Variants in CSTF2 observed in about 807,000 individuals in gnomAD.
The protein encoded by CSTF2 is CF-1 64 kDa subunit.
Under a neutral mutation model 45.4 loss-of-function variants are expected in CSTF2, and 8 were observed. That is an observed-to-expected ratio of 0.18 (90% CI 0.10 to 0.32). CSTF2 has a LOEUF of 0.32. Ranked by LOEUF, CSTF2 falls within the 10% of genes least tolerant of loss-of-function variation. The pLI is 1.00. For missense variants in CSTF2, 253 were observed against 477.1 expected (o/e 0.53, Z 4.38); for synonymous variants, 155 against 158.9 (o/e 0.98, Z 0.18).
intron 9 of CSTF2, among the ~76,000 whole-genome samples, chrX:100,832,413 TCA>T (rs1471924000): frequency 9.0e-6 from 1 of 111,714 alleles, no homozygotes; most frequent in Non-Finnish European, 1.9e-5. Flanking sequence ...GTGTCCAATA[TCA>T]CACAGCTAAT....
Position 100,838,173 on chromosome X carries a change from G to T in CSTF2, c.1612-66G>T, listed in dbSNP as rs1476434251. ...GACAGAAGCTGGTGGTGGGTTTTTTGTTTTGTTTTGTATTTTTTAGCTGCC... is the reference window on the plus strand; with the variant it reads ...GACAGAAGCTGGTGGTGGGTTTTTTTTTTTGTTTTGTATTTTTTAGCTGCC... On this transcript the variant is annotated intron_variant, in intron 12 of 13. Coordinates refer to ENST00000372972, the MANE Select transcript of CSTF2 (RefSeq NM_001325.3). 9.6e-7 allele frequency: 1 copy of T among 1,039,401 alleles called. No individual in the cohort carries two copies. Among genetic ancestry groups the T allele is most frequent in the African/African-American group, 1.9e-5 (1 of 51,367 alleles). The allele number at this position is 1,039,401 out of a possible 1,213,427, so 85.7% of individuals were successfully genotyped here.
At chrX:100,820,943 T>C (rs931739589) in intron 1 of CSTF2, among the ~76,000 whole-genome samples, 4 of 112,416 alleles carry the variant, frequency 3.6e-5, no homozygotes, top group African/African-American at 1.3e-4. Flanking sequence ...TGAGATGGCT[T>C]GTAAGTGAAT....
chrX:100,833,335 A>G lies in CSTF2; in HGVS notation c.1363A>G (p.Met455Val), dbSNP rs1468493511. 1.7e-6 allele frequency: 2 copies of G among 1,208,795 alleles called. No homozygotes were observed. The highest frequency in any genetic ancestry group is 2.2e-6 in the Non-Finnish European group (2 of 894,794). Residue 455 changes from methionine to valine, a missense_variant, in exon 11 of 14, where the codon ATG becomes GTG. By Grantham distance (21) the Met-to-Val change is conservative (BLOSUM62 1). Transcript: ENST00000372972. Reference sequence around the variant, plus strand: ...GGCCCGAGCGATGGAGGCCCGTGCAATGGAAGTCCGAGGGATGGAGGCCAG... The same window carrying G: ...GGCCCGAGCGATGGAGGCCCGTGCAGTGGAAGTCCGAGGGATGGAGGCCAG... ...MEARAMEARA[M>V]EVRGMEARGM...
intron 6 of CSTF2, among the ~76,000 whole-genome samples, chrX:100,826,298 T>TTG (rs1015787411): frequency 9.5e-6 from 1 of 105,249 alleles, no homozygotes; most frequent in African/African-American, 3.5e-5. Flanking sequence ...GGGCTTTTTT[T>TTG]TTTTTTTTTT....
intron 8 of CSTF2, among the ~76,000 whole-genome samples, chrX:100,830,032 G>A (rs2084966172): frequency 8.9e-6 from 1 of 111,764 alleles, no homozygotes; most frequent in Non-Finnish European, 1.9e-5. Context: ...GAGTCTTTTC[G>A]TGTGTGCCTA....
At chrX:100,838,654 G>A (rs1172555092) in intron 13 of CSTF2, among the ~76,000 whole-genome samples, 1 of 111,859 alleles carries the variant, frequency 8.9e-6, no homozygotes, top group Non-Finnish European at 1.9e-5. Flanking sequence ...AAAAAGCCCT[G>A]TTTCCTCAAT....
intron 3 of CSTF2, 78 bp from the exon 4 acceptor site, chrX:100,823,214 C>T (rs191709700): frequency 9.2e-7 from 1 of 1,089,769 alleles, no homozygotes; most frequent in African/African-American, 1.8e-5. Flanking sequence ...CTTACAGCAG[C>T]CCTGAAAAGT....
chrX:100,826,863 T>A, intron 7 of CSTF2, 106 bp downstream of exon 7: 1 of 774,089 alleles, frequency 1.3e-6, no homozygotes, highest in Non-Finnish European at 1.8e-6. Context: ...GTAAAATTAA[T>A]ACACAGCTAG....
chrX:100,826,711 G>A lies in CSTF2; in HGVS notation c.780G>A (p.Met260Ile). ...GTGGAGTTCCAGCACCAGGGCAAAT[G>A]CCAGCTGCTGTCACAGGACCTGGCC... ...MQGGVPAPGQMPAAVTGPGPG... is the reference protein window; with the variant it reads ...MQGGVPAPGQIPAAVTGPGPG... The change falls in exon 7 of 14, where the codon ATG (methionine) becomes ATA (isoleucine). Residue 260 changes from methionine (M) to isoleucine (I), a missense_variant. Met to Ile is a conservative substitution (Grantham distance 10, BLOSUM62 1). Transcript: ENST00000372972. 8.3e-7 allele frequency: 1 copy of A among 1,210,191 alleles called. No homozygotes were observed. Among genetic ancestry groups the A allele is most frequent in the Non-Finnish European group, 1.1e-6 (1 of 894,475 alleles).
chrX:100,838,135 C>T (rs2085020130), intron 12 of CSTF2, 104 bp from the exon 13 acceptor site: 9 of 858,144 alleles, frequency 1.0e-5, no homozygotes, highest in Non-Finnish European at 1.4e-5. Context: ...TATCCCACTA[C>T]AGTAGCTTTT....
At chrX:100,831,399 G>C in intron 8 of CSTF2, 116 bp from the exon 9 acceptor site, 2 of 836,319 alleles carry the variant, frequency 2.4e-6, no homozygotes, top group Non-Finnish European at 3.6e-6. Context: ...TTCTGCTGTG[G>C]TGAGGTTTCA....
intron 1 of CSTF2, among the ~76,000 whole-genome samples, chrX:100,820,922 A>G (rs2084914879): frequency 8.9e-6 from 1 of 112,349 alleles, no homozygotes; most frequent in Admixed American, 9.4e-5. Context: ...GGTAGCGGCC[A>G]CCTGGTGTCC....
chrX:100,826,232 C>T (rs747523859), intron 6 of CSTF2, among the ~76,000 whole-genome samples: 2 of 108,165 alleles, frequency 1.8e-5, no homozygotes. Context: ...ATGTGGACTA[C>T]CAGCAGTTGT....
intron 13 of CSTF2, 76 bp downstream of exon 13, chrX:100,838,440 A>G (rs776755593): frequency 3.2e-5 from 31 of 983,565 alleles, no homozygotes; most frequent in Non-Finnish European, 3.8e-5. Flanking sequence ...ACCTTAACCA[A>G]CAAGATTGTT....
chrX:100,825,103 A>G (rs73636620), intron 6 of CSTF2, among the ~76,000 whole-genome samples: 10,097 of 112,014 alleles, frequency 0.09, 1,148 homozygotes, highest in African/African-American at 0.31. Flanking sequence ...AATATGTGGA[A>G]TGAGTTGCAA....
At chrX:100,822,862 G>C (rs867742822) in intron 3 of CSTF2, 1 of 105,643 alleles carries the variant, frequency 9.5e-6, no homozygotes, top group Non-Finnish European at 1.8e-5. Flanking sequence ...AAAAAAAAAA[G>C]AATTTCCATT....
intron 1 of CSTF2, chrX:100,820,707 C>T: frequency 2.0e-6 from 1 of 502,828 alleles, no homozygotes; most frequent in Non-Finnish European, 3.7e-6. Context: ...AGCTTCTGTG[C>T]GTTTCTCCTT....
At chrX:100,835,349 A>G (rs2085001868) in intron 11 of CSTF2, among the ~76,000 whole-genome samples, 1 of 109,004 alleles carries the variant, frequency 9.2e-6, no homozygotes, top group African/African-American at 3.3e-5. Flanking sequence ...GAGGATCAGT[A>G]GAGCCCAGGA....
At chrX:100,821,007 G>T (rs1299774991) in intron 1 of CSTF2, among the ~76,000 whole-genome samples, 1 of 112,652 alleles carries the variant, frequency 8.9e-6, no homozygotes, top group Non-Finnish European at 1.9e-5. Context: ...GGATCGAAAC[G>T]ATTCTGAATT....
Sources: gnomAD v4.1 joint callset for allele counts (sites outside exome capture counted in the v4.1 genomes callset) on GRCh38, gnomAD v4.1.1 for gene constraint, MANE v1.5 for transcripts, NCBI Gene and HGNC (gene_info 2026-07-23, HGNC 2026-07-21) for gene names.